SLC12A5: variants seen among roughly 807,000 people sequenced by gnomAD.
The protein encoded by SLC12A5 is solute carrier family 12 member 5.
A neutral mutation model predicts 124.0 loss-of-function variants in SLC12A5; 18 were observed. The ratio of observed to expected loss-of-function variants is 0.15; its 90% confidence interval spans 0.10 to 0.22. SLC12A5 has a LOEUF of 0.22. Among genes scored for constraint, SLC12A5 ranks in the 10% least tolerant of loss-of-function variants. The pLI, the probability that SLC12A5 is intolerant of heterozygous loss-of-function variation, is 1.00. For synonymous variants in SLC12A5, 589 were observed against 568.0 expected, an observed-to-expected ratio of 1.04 and a Z score of -0.53; for missense variants, 867 against 1,478.7, an observed-to-expected ratio of 0.59 and a Z score of 6.78.
intron 1 of SLC12A5, among the ~76,000 whole-genome samples, chr20:46,022,417 G>C (rs1485403399): frequency 7.5e-6 from 1 of 133,980 alleles, no homozygotes; most frequent in Non-Finnish European, 1.6e-5. Flanking sequence ...GGCCTGGGAG[G>C]GGGGTGGGGT....
At position 46,047,999 on chromosome 20, in the gene SLC12A5, C is replaced by T. The variant is rs748908890; in HGVS notation, c.1926C>T (p.Gly642=). Residue 642 remains glycine, a synonymous_variant, in exon 16 of 26, where the codon GGC becomes GGT. Transcript: ENST00000243964. ...CTCCCAGGGCAGAGAAGGAGTGGGG[C>T]GATGGGATACGAGGTCTGTCTCTCA... The part of the protein sequence containing the change: ...IEYRGAEKEW[G]DGIRGLSLSA... 5.5e-5 allele frequency: 88 copies of T among 1,611,158 alleles called. 1 individual carries two copies. Among genetic ancestry groups the T allele is most frequent in the Admixed American group, 5.0e-5 (3 of 59,640 alleles).
chr20:46,032,697 AG>A (rs1283906236), intron 1 of SLC12A5, among the ~76,000 whole-genome samples: 1 of 152,230 alleles, frequency 6.6e-6, no homozygotes, highest in Non-Finnish European at 1.5e-5. Context: ...CTGGAATGTC[AG>A]TTTCCATAAC....
upstream of SLC12A5, among the ~76,000 whole-genome samples, chr20:46,025,352 C>T (rs2084388394): frequency 6.6e-6 from 1 of 152,178 alleles, no homozygotes; most frequent in Non-Finnish European, 1.5e-5. Context: ...AGCCAGAACT[C>T]AGAACCTCAC....
At chr20:46,055,340 G>A (rs1288269478) in intron 21 of SLC12A5, among the ~76,000 whole-genome samples, 1 of 152,176 alleles carries the variant, frequency 6.6e-6, no homozygotes, top group Non-Finnish European at 1.5e-5. Flanking sequence ...TAGGGGTGTG[G>A]GCTGCCAGTG....
At chr20:46,029,904 ATGTGTGTGTGTGCGTG>A (rs2084432840) in intron 1 of SLC12A5, among the ~76,000 whole-genome samples, 1 of 126,016 alleles carries the variant, frequency 7.9e-6, no homozygotes, top group African/African-American at 3.3e-5. Flanking sequence ...GCGCGTGCGT[ATGTGTGTGTGTGCGTG>A]TGTGTGTGTG....
intron 2 of SLC12A5, chr20:46,023,329 A>G: frequency 2.5e-6 from 1 of 398,604 alleles, no homozygotes; most frequent in Non-Finnish European, 4.4e-6. Flanking sequence ...AAAGTAAGAA[A>G]TTCTGGAGCC....
chr20:46,030,306 G>A (rs2084437405), intron 1 of SLC12A5, among the ~76,000 whole-genome samples: 2 of 152,112 alleles, frequency 1.3e-5, no homozygotes, highest in African/African-American at 4.8e-5. Context: ...CCTCAGCGCC[G>A]CGACGCGGAC....
At chr20:46,028,115 G>A (rs1445705062), upstream of SLC12A5, among the ~76,000 whole-genome samples, 1 of 152,226 alleles carries the variant, frequency 6.6e-6, no homozygotes, top group Non-Finnish European at 1.5e-5. Context: ...AGGGGTCCCA[G>A]GATGATCAAG....
chr20:46,023,230 T>G, intron 2 of SLC12A5: 1 of 398,078 alleles, frequency 2.5e-6, no homozygotes, highest in Non-Finnish European at 4.4e-6. Context: ...TTGTGGCCAC[T>G]TGGATTTCTT....
At chr20:46,037,753 G>A (rs938559542) in intron 6 of SLC12A5, among the ~76,000 whole-genome samples, 5 of 152,166 alleles carry the variant, frequency 3.3e-5, no homozygotes, top group South Asian at 2.1e-4. Context: ...TCAGATAGGC[G>A]GCAGAGGTGG....
At chr20:46,054,803 A>G (rs897294916) in intron 20 of SLC12A5, 113 bp from the exon 21 acceptor site, 6 of 710,394 alleles carry the variant, frequency 8.4e-6, no homozygotes, top group Admixed American at 7.1e-5. Context: ...CTAGGCTGCC[A>G]GAAGGACGGG....
chr20:46,033,259 C>A (rs1175239613), intron 1 of SLC12A5, among the ~76,000 whole-genome samples: 2 of 151,972 alleles, frequency 1.3e-5, no homozygotes, highest in South Asian at 2.1e-4. Context: ...TGTCAGCCAT[C>A]GAGGGGACAG....
chr20:46,025,634 G>A (rs893887632), upstream of SLC12A5, among the ~76,000 whole-genome samples: 5 of 152,154 alleles, frequency 3.3e-5, no homozygotes, highest in Admixed American at 2.6e-4. Context: ...AGGGGCTGTT[G>A]GGGTGCTGTT....
intron 5 of SLC12A5, 34 bp from the exon 6 acceptor site, chr20:46,037,221 C>T (rs779247012): frequency 8.3e-6 from 13 of 1,567,884 alleles, no homozygotes; most frequent in East Asian, 4.5e-5. Context: ...CCAGTGCCCC[C>T]GACCCTCTCG....
At chr20:46,055,546 A>G (rs2084681924) in intron 21 of SLC12A5, among the ~76,000 whole-genome samples, 1 of 152,062 alleles carries the variant, frequency 6.6e-6, no homozygotes, top group Non-Finnish European at 1.5e-5. Context: ...GAACCACCAG[A>G]GTATGGATGA....
At position 46,040,603 on chromosome 20, in the gene SLC12A5, A is replaced by C. The variant is rs2084536807; in HGVS notation, c.843A>C (p.Pro281=). ...YAGVIKSAFD[P]PNFPICLLGN... The stretch of plus-strand genomic sequence containing the variant: ...GGGTCATCAAGTCTGCCTTCGACCC[A>C]CCCAACTTCCCGTGAGTGCTGCTGC... The change falls in exon 7 of 26, where the codon CCA becomes CCC. Residue 281 remains proline (P), a synonymous_variant. Transcript: ENST00000243964. The C allele has an allele frequency of 6.2e-7, 1 of 1,613,816 alleles. No homozygotes were observed. The highest frequency in any genetic ancestry group is 1.3e-5 in the African/African-American group (1 of 74,852).
At chr20:46,035,092 T>A in intron 2 of SLC12A5, 50 bp downstream of exon 2, 3 of 1,572,884 alleles carry the variant, frequency 1.9e-6, no homozygotes, top group Non-Finnish European at 2.6e-6. Flanking sequence ...TTATCCTGAT[T>A]CATCAGCTGC....
intron 13 of SLC12A5, 27 bp from the exon 14 acceptor site, chr20:46,046,311 C>A: frequency 6.3e-7 from 1 of 1,599,604 alleles, no homozygotes; most frequent in Non-Finnish European, 8.6e-7. Flanking sequence ...GCATCTCTGT[C>A]TCCCCTGGGG....
At chr20:46,029,609 C>A (rs2084427975) in intron 1 of SLC12A5, among the ~76,000 whole-genome samples, 2 of 152,104 alleles carry the variant, frequency 1.3e-5, no homozygotes, top group Admixed American at 1.3e-4. Flanking sequence ...GGCAGAGCTG[C>A]GGGCCGGGGG....
Sources: gnomAD v4.1 joint callset for allele counts (sites outside exome capture counted in the v4.1 genomes callset) on GRCh38, gnomAD v4.1.1 for gene constraint, MANE v1.5 for transcripts, NCBI Gene and HGNC (gene_info 2026-07-23, HGNC 2026-07-21) for gene names.